ACSBG2: variants seen among roughly 807,000 people sequenced by gnomAD.
The protein encoded by ACSBG2 is acyl-CoA synthetase bubblegum family member 2.
In ACSBG2, 62 loss-of-function variants were observed where a neutral mutation model predicts 74.7. The ratio of observed to expected loss-of-function variants is 0.83; its 90% CI spans 0.68 to 1.03. The LOEUF (loss-of-function observed/expected upper bound fraction) is 1.03, where lower values mean the gene tolerates loss of function less well. ACSBG2 is among the 50% of genes least tolerant of loss of function. ACSBG2 has a pLI of 0.00. For synonymous variants in ACSBG2, 309 were observed against 294.1 expected (o/e 1.05, Z -0.52); for missense variants, 730 against 817.6 (o/e 0.89, Z 1.31).
At chr19:6,188,959 T>C (rs934147727) in intron 13 of ACSBG2, among the ~76,000 whole-genome samples, 19 of 152,222 alleles carry the variant, frequency 1.2e-4, no homozygotes, top group African/African-American at 4.6e-4. Flanking sequence ...GCTTAATATG[T>C]TATCTGTAGA....
intron 6 of ACSBG2, among the ~76,000 whole-genome samples, chr19:6,164,851 C>T (rs1477396711): frequency 6.6e-6 from 1 of 152,200 alleles, no homozygotes; most frequent in Non-Finnish European, 1.5e-5. Flanking sequence ...GTTCACTTTG[C>T]GGCACCGAAT....
intron 4 of ACSBG2, among the ~76,000 whole-genome samples, chr19:6,152,544 C>T (rs1291716507): frequency 4.6e-5 from 1 of 21,662 alleles, no homozygotes; most frequent in African/African-American, 1.0e-4. Context: ...CCCGCCTCGG[C>T]CTCCCAATTT....
At chr19:6,137,577 G>C (rs942087124) in intron 1 of ACSBG2, among the ~76,000 whole-genome samples, 7 of 152,166 alleles carry the variant, frequency 4.6e-5, no homozygotes, top group Non-Finnish European at 1.0e-4. Context: ...GCTGCAGGCA[G>C]AGGAGAGACA....
At position 6,147,647 on chromosome 19, in the gene ACSBG2, G is replaced by T; in HGVS notation, c.269G>T (p.Cys90Phe). Residue 90 changes from cysteine to phenylalanine, a missense_variant, in exon 3 of 15, where the codon TGT (cysteine) becomes TTT (phenylalanine). Coordinates refer to ENST00000588485, the MANE Select transcript of ACSBG2 (RefSeq NM_030924.5). ...AATTTCAACCAGTACTATGAGGCTTGTCGGAAGGCTGCAAAATCCTTGATC... is the reference window on the plus strand; with the variant it reads ...AATTTCAACCAGTACTATGAGGCTTTTCGGAAGGCTGCAAAATCCTTGATC... ...ILNFNQYYEA[C>F]RKAAKSLIKL... 6.2e-7 allele frequency: 1 copy of T among 1,614,214 alleles called. No individual in the cohort carries two copies. Among genetic ancestry groups the T allele is most frequent in the Non-Finnish European group, 8.5e-7 (1 of 1,180,036 alleles).
chr19:6,151,927 T>TG, intron 4 of ACSBG2, 132 bp downstream of exon 4: 1 of 742,336 alleles, frequency 1.3e-6, no homozygotes, highest in South Asian at 1.7e-5. Context: ...GCAGGATAGA[T>TG]GCACGAACAA....
intron 11 of ACSBG2, among the ~76,000 whole-genome samples, chr19:6,186,312 A>C (rs192896048): frequency 6.6e-6 from 1 of 152,358 alleles, no homozygotes; most frequent in East Asian, 1.9e-4. Context: ...TGTTGACAAC[A>C]CATAAAGAAT....
At chr19:6,189,388 A>G (rs1438408140) in intron 13 of ACSBG2, among the ~76,000 whole-genome samples, 1 of 152,100 alleles carries the variant, frequency 6.6e-6, no homozygotes, top group African/African-American at 2.4e-5. Flanking sequence ...ATGTACTTTC[A>G]TTTGCGAGTT....
chr19:6,166,873 A>C (rs1365911757), intron 7 of ACSBG2, among the ~76,000 whole-genome samples: 2 of 151,800 alleles, frequency 1.3e-5, no homozygotes, highest in African/African-American at 2.4e-5. Context: ...TCCTGACCTC[A>C]AGTGATCTGC....
At chr19:6,185,163 G>A (rs912035628) in intron 10 of ACSBG2, among the ~76,000 whole-genome samples, 1 of 152,076 alleles carries the variant, frequency 6.6e-6, no homozygotes, top group Non-Finnish European at 1.5e-5. Context: ...CTGGGCTCGA[G>A]CAATATTCCC....
In ACSBG2 at chr19:6,161,338, C is replaced by A. The variant is rs746326640; in HGVS notation, c.588+43C>A. ...GCACTGGGGAAAGGGGAGGGCGGGG[C>A]CTTGCAAGAAAAGTGGGCGTGGCCT... On this transcript the variant is annotated intron_variant, in intron 6 of 14. Coordinates refer to ENST00000588485, the MANE Select transcript of ACSBG2 (RefSeq NM_030924.5). 4 of 1,582,718 alleles carry A rather than the reference C, an allele frequency of 2.5e-6. No individual in the cohort carries two copies. The Admixed American group carries it at 6.7e-5, about 27-fold the overall frequency.
chr19:6,176,452 T>C, intron 7 of ACSBG2: 5 of 1,367,624 alleles, frequency 3.7e-6, no homozygotes, highest in East Asian at 2.6e-5. Context: ...ATCTGTAACA[T>C]AAGGGACAAT....
At chr19:6,179,048 C>T (rs994144043) in intron 8 of ACSBG2, among the ~76,000 whole-genome samples, 1 of 152,130 alleles carries the variant, frequency 6.6e-6, no homozygotes, top group African/African-American at 2.4e-5. Context: ...CCAGTTATTT[C>T]TAAGTAAGGG....
At chr19:6,190,767 G>A in intron 14 of ACSBG2, 75 bp downstream of exon 14, 1 of 853,134 alleles carries the variant, frequency 1.2e-6, no homozygotes, top group Non-Finnish European at 2.0e-6. Context: ...GTGGCAGGCA[G>A]ATCTGTGACT....
intron 1 of ACSBG2, among the ~76,000 whole-genome samples, chr19:6,138,096 G>A (rs1421859206): frequency 1.3e-5 from 2 of 152,152 alleles, no homozygotes; most frequent in African/African-American, 4.8e-5. Context: ...CCCACTCCTC[G>A]TGGGTAGTTT....
intron 8 of ACSBG2, among the ~76,000 whole-genome samples, chr19:6,178,314 T>G (rs2090145451): frequency 6.6e-6 from 1 of 152,140 alleles, no homozygotes; most frequent in African/African-American, 2.4e-5. Context: ...CATGTCCAGT[T>G]GCTCCATCTG....
chr19:6,184,104 C>A (rs937151539), intron 10 of ACSBG2, among the ~76,000 whole-genome samples: 1 of 152,188 alleles, frequency 6.6e-6, no homozygotes, highest in Non-Finnish European at 1.5e-5. Flanking sequence ...CATTGCCATA[C>A]ATTTAAAAGT....
chr19:6,176,173 A>T, intron 7 of ACSBG2: 1 of 593,318 alleles, frequency 1.7e-6, no homozygotes, highest in Non-Finnish European at 2.6e-6. Flanking sequence ...CGTTAGACCT[A>T]GGGCTTTACC....
chr19:6,177,142 G>C, intron 7 of ACSBG2, 87 bp from the exon 8 acceptor site: 1 of 1,434,764 alleles, frequency 7.0e-7, no homozygotes, highest in Non-Finnish European at 9.4e-7. Context: ...GTCTGGGTGA[G>C]CCCTGTCTGA....
intron 2 of ACSBG2, among the ~76,000 whole-genome samples, chr19:6,145,467 G>A (rs1053126140): frequency 1.8e-4 from 27 of 151,102 alleles, no homozygotes; most frequent in South Asian, 1.5e-3. Context: ...ATCATAGGTG[G>A]ATGTGCAATT....
Sources: allele counts gnomAD v4.1 joint callset (sites outside exome capture counted in the v4.1 genomes callset), GRCh38; gene constraint gnomAD v4.1.1; transcripts MANE v1.5; gene names NCBI Gene and HGNC (gene_info 2026-07-23, HGNC 2026-07-21).